KCNAB1: variants seen among roughly 807,000 people sequenced by gnomAD.
The protein encoded by KCNAB1 is voltage-gated potassium channel subunit beta-1.
A neutral mutation model predicts 64.6 loss-of-function variants in KCNAB1; 35 were observed. The observed-to-expected ratio is 0.54, with a 90% CI of 0.41 to 0.72. The LOEUF (loss-of-function observed/expected upper bound fraction) is 0.72, where lower values mean the gene tolerates loss of function less well. Ranked by LOEUF, KCNAB1 falls within the 30% of genes least tolerant of loss-of-function variation. The probability of loss-of-function intolerance (pLI) is 0.00; values close to 1 mark genes in which losing one functional copy is unlikely to be tolerated. For missense variants in KCNAB1, 401 were observed against 512.9 expected (o/e 0.78, Z 2.11); for synonymous variants, 177 against 183.8 (o/e 0.96, Z 0.30).
intron 1 of KCNAB1, among the ~76,000 whole-genome samples, chr3:156,199,461 T>A (rs1186097917): frequency 6.6e-6 from 1 of 152,174 alleles, no homozygotes; most frequent in Non-Finnish European, 1.5e-5. Context: ...ACCAGTCAAT[T>A]GTAGCTTTGG....
At chr3:156,153,161 G>A (rs1205649714) in intron 1 of KCNAB1, among the ~76,000 whole-genome samples, 2 of 152,156 alleles carry the variant, frequency 1.3e-5, no homozygotes, top group East Asian at 3.9e-4. Context: ...AGGACAAGCC[G>A]CTGGATATCA....
intron 1 of KCNAB1, among the ~76,000 whole-genome samples, chr3:156,297,786 G>A (rs747415107): frequency 1.3e-5 from 2 of 151,964 alleles, no homozygotes; most frequent in African/African-American, 2.4e-5. Context: ...GCGTGTGCTC[G>A]TGTGCGTGTG....
chr3:156,481,133 C>T (rs1028697677), intron 8 of KCNAB1, among the ~76,000 whole-genome samples: 3 of 152,080 alleles, frequency 2.0e-5, no homozygotes, highest in Non-Finnish European at 4.4e-5. Flanking sequence ...CATCCAGATG[C>T]ACTGCATCTC....
chr3:156,443,483 T>TTA (rs1400178708), intron 2 of KCNAB1, among the ~76,000 whole-genome samples: 1 of 152,164 alleles, frequency 6.6e-6, no homozygotes, highest in African/African-American at 2.4e-5. Context: ...AAGTCACTTC[T>TTA]TACCACTCAC....
At chr3:156,225,308 A>G (rs1222658578) in intron 1 of KCNAB1, among the ~76,000 whole-genome samples, 1 of 152,232 alleles carries the variant, frequency 6.6e-6, no homozygotes, top group Non-Finnish European at 1.5e-5. Context: ...AACAAAATTA[A>G]AAACAAAAAT....
intron 2 of KCNAB1, among the ~76,000 whole-genome samples, chr3:156,436,809 T>C (rs1219119702): frequency 6.6e-6 from 1 of 152,258 alleles, no homozygotes; most frequent in African/African-American, 2.4e-5. Flanking sequence ...TTGTAGACTC[T>C]GGATATTAGA....
At chr3:156,259,950 G>C (rs1406449866) in intron 1 of KCNAB1, among the ~76,000 whole-genome samples, 2 of 152,126 alleles carry the variant, frequency 1.3e-5, no homozygotes, top group African/African-American at 4.8e-5. Context: ...TGCCCAACGG[G>C]GAACGTTTCT....
intron 1 of KCNAB1, among the ~76,000 whole-genome samples, chr3:156,384,866 AG>A (rs1192658554): frequency 6.6e-6 from 1 of 152,152 alleles, no homozygotes; most frequent in Non-Finnish European, 1.5e-5. Context: ...GGGCACCTGA[AG>A]GGGTAGGGGC....
At chr3:156,301,252 A>C (rs1721139536) in intron 1 of KCNAB1, among the ~76,000 whole-genome samples, 1 of 152,112 alleles carries the variant, frequency 6.6e-6, no homozygotes, top group Non-Finnish European at 1.5e-5. Flanking sequence ...CCACAACAAC[A>C]ACCTTGTTAT....
chr3:156,416,439 T>C (rs1559873973), intron 1 of KCNAB1, among the ~76,000 whole-genome samples: 1 of 152,200 alleles, frequency 6.6e-6, no homozygotes, highest in African/African-American at 2.4e-5. Context: ...CTGTTTGAAA[T>C]GCTGATCCCT....
At chr3:156,215,258 C>T (rs778889371) in intron 1 of KCNAB1, among the ~76,000 whole-genome samples, 13 of 152,170 alleles carry the variant, frequency 8.5e-5, no homozygotes, top group South Asian at 4.2e-4. Flanking sequence ...ACAAAACCTA[C>T]GCTCTTGAGC....
At chr3:156,483,141 C>G (rs1714952270) in intron 8 of KCNAB1, among the ~76,000 whole-genome samples, 3 of 152,086 alleles carry the variant, frequency 2.0e-5, no homozygotes, top group African/African-American at 7.2e-5. Context: ...CATTGACCTT[C>G]TCCGTGGTGT....
intron 1 of KCNAB1, among the ~76,000 whole-genome samples, chr3:156,333,645 G>C (rs1422819421): frequency 1.3e-5 from 2 of 152,104 alleles, no homozygotes; most frequent in African/African-American, 4.8e-5. Flanking sequence ...ATTTATAAGA[G>C]ATGTAAAATT....
At chr3:156,359,194 C>A (rs1040881187) in intron 1 of KCNAB1, among the ~76,000 whole-genome samples, 3 of 152,160 alleles carry the variant, frequency 2.0e-5, no homozygotes, top group Non-Finnish European at 4.4e-5. Context: ...ATGTGGCCCC[C>A]TGCATTGCAA....
At chr3:156,267,121 T>C (rs1480341439) in intron 1 of KCNAB1, among the ~76,000 whole-genome samples, 1 of 152,196 alleles carries the variant, frequency 6.6e-6, no homozygotes, top group Non-Finnish European at 1.5e-5. Flanking sequence ...AATATTTCGG[T>C]ATATAGTATA....
intron 1 of KCNAB1, among the ~76,000 whole-genome samples, chr3:156,283,989 C>G (rs1273635487): frequency 6.6e-6 from 1 of 152,040 alleles, no homozygotes; most frequent in East Asian, 1.9e-4. Context: ...CTCCATCCAG[C>G]TTTGTTCCGT....
At chr3:156,468,871 A>C (rs1713640200) in intron 7 of KCNAB1, among the ~76,000 whole-genome samples, 1 of 152,234 alleles carries the variant, frequency 6.6e-6, no homozygotes, top group African/African-American at 2.4e-5. Flanking sequence ...TTGTAAAGTC[A>C]AAGCTAAGCT....
intron 2 of KCNAB1, among the ~76,000 whole-genome samples, 186 bp downstream of exon 2, chr3:156,421,845 G>A (rs1004610966): frequency 3.9e-5 from 6 of 152,044 alleles, no homozygotes; most frequent in Non-Finnish European, 5.9e-5. Flanking sequence ...GGGAGCCACC[G>A]TGTTCATGAT....
chr3:156,369,157 A>G (rs1726144605), intron 1 of KCNAB1, among the ~76,000 whole-genome samples: 1 of 152,188 alleles, frequency 6.6e-6, no homozygotes, highest in Admixed American at 6.5e-5. Flanking sequence ...CTTTTACCAT[A>G]AATTCATTTT....
Sources: allele counts gnomAD v4.1 joint callset (sites outside exome capture counted in the v4.1 genomes callset), GRCh38; gene constraint gnomAD v4.1.1; transcripts MANE v1.5; gene names NCBI Gene and HGNC (gene_info 2026-07-23, HGNC 2026-07-21).